DAP: variants seen among roughly 807,000 people sequenced by gnomAD.
DAP encodes the protein death-associated protein 1.
DAP carries 8 observed loss-of-function variants against 13.8 expected under a neutral mutation model. That is an observed-to-expected ratio of 0.58 (90% confidence interval 0.34 to 1.05). DAP has a LOEUF of 1.05. Ranked by LOEUF, DAP falls within the 50% of genes least tolerant of loss-of-function variation. The probability of loss-of-function intolerance (pLI) is 0.03; values close to 1 mark genes in which losing one functional copy is unlikely to be tolerated. For missense variants in DAP, 106 were observed against 133.2 expected (o/e 0.80, Z 1.01); for synonymous variants, 47 against 47.5 (o/e 0.99, Z 0.04).
chr5:10,738,936 C>T (rs912381576), intron 2 of DAP, among the ~76,000 whole-genome samples: 19 of 151,490 alleles, frequency 1.3e-4, no homozygotes, highest in African/African-American at 4.4e-4. Flanking sequence ...GGTGCAGTGG[C>T]TCATGCCTGT....
At chr5:10,683,649 T>C in intron 2 of DAP, 78 bp from the exon 3 acceptor site, 1 of 1,403,414 alleles carries the variant, frequency 7.1e-7, no homozygotes, top group Non-Finnish European at 1.0e-6. Flanking sequence ...GATGTGTATG[T>C]GGATGAGCCA....
chr5:10,698,265 G>A (rs150241573), intron 2 of DAP, among the ~76,000 whole-genome samples: 6 of 106,118 alleles, frequency 5.7e-5, no homozygotes, highest in African/African-American at 7.8e-5. Context: ...AAGCACTTGG[G>A]CCTTTTCCAG....
chr5:10,728,571 T>TAA (rs1719480638), intron 2 of DAP, among the ~76,000 whole-genome samples: 1 of 152,260 alleles, frequency 6.6e-6, no homozygotes, highest in Admixed American at 6.5e-5. Flanking sequence ...TACTAATTGA[T>TAA]AATTTTACTG....
chr5:10,749,256 T>C lies in DAP; in HGVS notation c.56-985A>G, dbSNP rs5745191. ...CTACTTTTTTGGCTATTATGAACAA[T>C]GCAGCTGTGAAGAACTTACACGTAA... On this transcript the variant is annotated intron_variant, in intron 1 of 3. Transcript: ENST00000230895. Among the ~76,000 whole-genome samples, 286 of 152,348 alleles carry C rather than the reference T, an allele frequency of 1.9e-3. 1 individual carries two copies. Among genetic ancestry groups the C allele is most frequent in the African/African-American group, 6.8e-3 (283 of 41,582 alleles).
chr5:10,736,065 A>C (rs1389017495), intron 2 of DAP, among the ~76,000 whole-genome samples: 1 of 152,212 alleles, frequency 6.6e-6, no homozygotes, highest in East Asian at 1.9e-4. Context: ...ACAGACAGGC[A>C]CACAGGGAGA....
rs773971212 is a variant in DAP at position 10,748,134 on chromosome 5, T to A, written c.152+41A>T. 4.3e-6 allele frequency: 6 copies of A among 1,401,846 alleles called. No individual in the cohort carries two copies. In the South Asian group the frequency reaches 5.8e-5, roughly 13 times the overall value. 86.8% of individuals were successfully genotyped at this position (1,401,846 alleles called of 1,614,324 possible). On this transcript the variant is annotated intron_variant, in intron 2 of 3. Transcript: ENST00000230895. ...AATGTTAATGCTTAACCGAATAGGG[T>A]TTTTGGAAAACATGCTCAAGAGTCG...
intron 2 of DAP, among the ~76,000 whole-genome samples, chr5:10,728,069 T>C (rs181262969): frequency 8.4e-3 from 528 of 62,724 alleles, no homozygotes; most frequent in Admixed American, 0.018. Flanking sequence ...GTTGAACCCT[T>C]GGATGCAGAA....
chr5:10,738,967 C>CTGAGG (rs1739684220), intron 2 of DAP, among the ~76,000 whole-genome samples: 1 of 151,250 alleles, frequency 6.6e-6, no homozygotes, highest in Admixed American at 6.6e-5. Context: ...CTTTGGGAGG[C>CTGAGG]TGAGGAGGGT....
intron 2 of DAP, among the ~76,000 whole-genome samples, chr5:10,718,038 CCTA>C (rs1198729847): frequency 6.6e-6 from 1 of 152,122 alleles, no homozygotes; most frequent in Non-Finnish European, 1.5e-5. Flanking sequence ...GAGGAAGGAC[CCTA>C]CTACATTACC....
At chr5:10,731,296 G>T (rs1219894044) in intron 2 of DAP, among the ~76,000 whole-genome samples, 1 of 151,438 alleles carries the variant, frequency 6.6e-6, no homozygotes, top group Non-Finnish European at 1.5e-5. Flanking sequence ...GAGCCCTGGT[G>T]GGGAGAATCT....
chr5:10,760,157 C>T (rs1305493940), intron 1 of DAP, among the ~76,000 whole-genome samples: 3 of 152,200 alleles, frequency 2.0e-5, no homozygotes, highest in African/African-American at 7.2e-5. Context: ...GACACTAAGG[C>T]GTGCTATTAA....
intron 2 of DAP, among the ~76,000 whole-genome samples, chr5:10,693,709 A>AGCAGCCTT (rs150683240): frequency 6.6e-6 from 1 of 152,186 alleles, no homozygotes; most frequent in Non-Finnish European, 1.5e-5. Flanking sequence ...ATTTTAAAGC[A>AGCAGCCTT]GAGTTTTAGC....
At position 10,761,156 on chromosome 5, in the gene DAP, G is replaced by A. The variant is rs1579829189; in HGVS notation, c.-88C>T. 5.2e-6 allele frequency: 4 copies of A among 775,074 alleles called. No individual in the cohort carries two copies. The highest frequency in any genetic ancestry group is 6.0e-5 in the South Asian group (1 of 16,608). The allele number at this position is 775,074 out of a possible 1,614,324, so 48.0% of individuals were successfully genotyped here. On this transcript the variant is annotated 5_prime_UTR_variant, in exon 1 of 4. Transcript: ENST00000230895. Reference sequence around the variant, plus strand: ...GCGAGTGAGCTCAGGTGTGAGCGCCGGGGAGCGAGCGGGCGGGAGAACGAC... The same window carrying A: ...GCGAGTGAGCTCAGGTGTGAGCGCCAGGGAGCGAGCGGGCGGGAGAACGAC...
chr5:10,707,498 A>T lies in DAP; in HGVS notation c.153-23927T>A, dbSNP rs1738726663. ...ATGTGGTGCATAAACTATGTGGTGC[A>T]CAGGCAGTGTGATGCATAGGTGGTG... On this transcript the variant is annotated intron_variant, in intron 2 of 3. Coordinates refer to ENST00000230895, the MANE Select transcript of DAP (RefSeq NM_004394.3). This position sits in a 1 kb window ranked among gnomAD's most constrained non-coding sequence, Gnocchi z 4.0. Among the ~76,000 whole-genome samples, 1 of 151,930 alleles carries T rather than the reference A, an allele frequency of 6.6e-6. No homozygotes were observed.
chr5:10,724,836 C>T (rs867759535), intron 2 of DAP, among the ~76,000 whole-genome samples: 2 of 152,140 alleles, frequency 1.3e-5, no homozygotes, highest in Non-Finnish European at 2.9e-5. Context: ...CCTCTCAACC[C>T]GGGTGCGCAG....
At chr5:10,737,380 A>T (rs1459864856) in intron 2 of DAP, among the ~76,000 whole-genome samples, 1 of 151,498 alleles carries the variant, frequency 6.6e-6, no homozygotes, top group Non-Finnish European at 1.5e-5. Context: ...AAACAACAAC[A>T]ACAACAAAAA....
chr5:10,702,371 G>A (rs1738600407), intron 2 of DAP, among the ~76,000 whole-genome samples: 1 of 133,756 alleles, frequency 7.5e-6, no homozygotes, highest in Admixed American at 7.5e-5. Context: ...TCAAAGGCTT[G>A]CAAAAGAGGC....
intron 1 of DAP, among the ~76,000 whole-genome samples, chr5:10,750,321 G>C (rs1386989745): frequency 6.6e-6 from 1 of 152,176 alleles, no homozygotes; most frequent in Non-Finnish European, 1.5e-5. Context: ...ATTTCCCTGG[G>C]AGACTTGGCC....
intron 2 of DAP, among the ~76,000 whole-genome samples, chr5:10,692,400 C>A (rs1168957152): frequency 1.3e-5 from 2 of 152,132 alleles, no homozygotes; most frequent in African/African-American, 4.8e-5. Context: ...GCAATCTATA[C>A]CTTCATCCTT....
Sources: gnomAD v4.1 joint callset for allele counts (sites outside exome capture counted in the v4.1 genomes callset) on GRCh38, gnomAD v4.1.1 for gene constraint, Gnocchi (gnomAD v3.1) non-coding constraint, MANE v1.5 for transcripts, NCBI Gene and HGNC (gene_info 2026-07-23, HGNC 2026-07-21) for gene names.